Variants in CADM2 observed in about 807,000 individuals in gnomAD.
CADM2 encodes the protein cell adhesion molecule 2.
CADM2 carries 12 observed loss-of-function variants against 49.8 expected under a neutral mutation model. That is an observed-to-expected ratio of 0.24 (90% CI 0.15 to 0.39). The LOEUF (loss-of-function observed/expected upper bound fraction) is 0.39, where lower values mean the gene tolerates loss of function less well. CADM2 is among the 10% of genes least tolerant of loss of function. The pLI, the probability that CADM2 is intolerant of heterozygous loss-of-function variation, is 1.00. For synonymous variants in CADM2, 214 were observed against 175.4 expected (o/e 1.22, Z -1.74); for missense variants, 378 against 492.3 (o/e 0.77, Z 2.20).
intron 1 of CADM2, among the ~76,000 whole-genome samples, chr3:85,407,841 GCAAA>G (rs982325135): frequency 7.9e-5 from 12 of 151,454 alleles, no homozygotes; most frequent in African/African-American, 1.5e-4. Context: ...ACAAAACAAA[GCAAA>G]CAAACAAACA....
intron 3 of CADM2, among the ~76,000 whole-genome samples, chr3:85,863,126 T>C (rs540079808): frequency 5.4e-4 from 82 of 152,290 alleles, no homozygotes; most frequent in African/African-American, 1.9e-3. Flanking sequence ...AGCATATTGA[T>C]GGCCTTGAAT....
intron 1 of CADM2, among the ~76,000 whole-genome samples, chr3:85,060,819 C>G (rs1410976841): frequency 6.6e-6 from 1 of 151,980 alleles, no homozygotes; most frequent in Non-Finnish European, 1.5e-5. Context: ...AATCAATGAT[C>G]AAACTTAGAA....
At chr3:85,082,227 A>G (rs1024301632) in intron 1 of CADM2, among the ~76,000 whole-genome samples, 6 of 152,206 alleles carry the variant, frequency 3.9e-5, no homozygotes, top group African/African-American at 9.6e-5. Flanking sequence ...GCAAAGAAGC[A>G]TTGTAAGGTA....
At position 85,946,973 on chromosome 3, in the gene CADM2, G is replaced by T. The variant is rs553949475; in HGVS notation, c.791+11116G>T. Among the ~76,000 whole-genome samples the T allele has an allele frequency of 3.9e-5, 6 of 152,162 alleles. No individual in the cohort carries two copies. The South Asian group carries it at 1.0e-3, about 26-fold the overall frequency. On this transcript the variant is annotated intron_variant, in intron 7 of 9. Coordinates refer to ENST00000383699, the MANE Select transcript of CADM2 (RefSeq NM_001167675.2). ...GATATAATTAAACTAAAGAGCTTCTGCACAGCAAAAGAAACTACCATCAGA... is the reference window on the plus strand; with the variant it reads ...GATATAATTAAACTAAAGAGCTTCTTCACAGCAAAAGAAACTACCATCAGA...
intron 1 of CADM2, among the ~76,000 whole-genome samples, chr3:85,116,636 TA>T (rs1033695130): frequency 2.3e-4 from 35 of 152,298 alleles, no homozygotes; most frequent in Admixed American, 2.3e-3. Flanking sequence ...TTTATTTTAA[TA>T]TTTATTGCTT....
intron 1 of CADM2, among the ~76,000 whole-genome samples, chr3:85,110,317 G>T (rs1167970145): frequency 6.6e-6 from 1 of 151,670 alleles, no homozygotes; most frequent in Non-Finnish European, 1.5e-5. Flanking sequence ...TCTATCATTT[G>T]CACTCTTCCT....
intron 1 of CADM2, among the ~76,000 whole-genome samples, chr3:85,075,855 A>G (rs901194739): frequency 6.6e-6 from 1 of 152,174 alleles, no homozygotes; most frequent in African/African-American, 2.4e-5. Context: ...CATTCTTGAG[A>G]GTTTATAACT....
chr3:85,928,449 G>A (rs183262723), intron 6 of CADM2, among the ~76,000 whole-genome samples: 35 of 152,096 alleles, frequency 2.3e-4, no homozygotes, highest in Admixed American at 2.0e-3. Context: ...GAGCCACCAC[G>A]CCCAGTCAAA....
intron 1 of CADM2, among the ~76,000 whole-genome samples, chr3:85,535,756 G>A (rs1559893656): frequency 6.6e-6 from 1 of 152,120 alleles, no homozygotes; most frequent in East Asian, 1.9e-4. Flanking sequence ...TTTAGGGAAA[G>A]GGGAAATGTA....
intron 1 of CADM2, among the ~76,000 whole-genome samples, chr3:85,405,565 G>T (rs1270602153): frequency 2.0e-5 from 3 of 152,100 alleles, no homozygotes; most frequent in African/African-American, 4.8e-5. Context: ...GATCAAGGTT[G>T]CCCTCACTCA....
intron 1 of CADM2, among the ~76,000 whole-genome samples, chr3:85,289,711 A>AT (rs2043728150): frequency 6.6e-6 from 1 of 152,184 alleles, no homozygotes. Flanking sequence ...TTTAAAATTT[A>AT]TTAAAAAAAT....
intron 3 of CADM2, among the ~76,000 whole-genome samples, chr3:85,860,229 T>A (rs755651972): frequency 1.3e-5 from 2 of 152,142 alleles, no homozygotes; most frequent in Non-Finnish European, 1.5e-5. Flanking sequence ...CCTTGGTTAC[T>A]TATTTTGTGC....
intron 1 of CADM2, among the ~76,000 whole-genome samples, chr3:85,419,342 C>T (rs1288648275): frequency 6.6e-6 from 1 of 152,006 alleles, no homozygotes; most frequent in Admixed American, 6.6e-5. Flanking sequence ...CCTATAGTCC[C>T]AGCTACTCAG....
chr3:85,470,982 C>A (rs1327673976), intron 1 of CADM2, among the ~76,000 whole-genome samples: 1 of 152,128 alleles, frequency 6.6e-6, no homozygotes, highest in Non-Finnish European at 1.5e-5. Flanking sequence ...CTGTATGCTG[C>A]AGATTTATTG....
chr3:85,732,571 G>GCA (rs67636355), intron 2 of CADM2, among the ~76,000 whole-genome samples: 26,938 of 152,104 alleles, frequency 0.18, 2,971 homozygotes, highest in Non-Finnish European at 0.24. Flanking sequence ...TGAAGACACT[G>GCA]CTATATAATA....
intron 1 of CADM2, among the ~76,000 whole-genome samples, chr3:85,122,844 T>C (rs150510668): frequency 6.4e-4 from 98 of 152,170 alleles, no homozygotes; most frequent in African/African-American, 2.2e-3. Flanking sequence ...CTTCTTCCAT[T>C]GTATGGCTCT....
chr3:85,908,728 ATT>A (rs63218162), intron 5 of CADM2, among the ~76,000 whole-genome samples: 109 of 140,614 alleles, frequency 7.8e-4, no homozygotes, highest in Middle Eastern at 3.6e-3. Flanking sequence ...TACGGTTATG[ATT>A]TTTTTTTTTT....
intron 2 of CADM2, among the ~76,000 whole-genome samples, chr3:85,761,217 C>T (rs538953983): frequency 3.9e-4 from 59 of 152,096 alleles, no homozygotes; most frequent in African/African-American, 1.3e-3. Flanking sequence ...GGGATGGAAA[C>T]CCGTTTTCTA....
chr3:85,198,127 A>T (rs1030283878), intron 1 of CADM2, among the ~76,000 whole-genome samples: 1 of 151,850 alleles, frequency 6.6e-6, no homozygotes, highest in African/African-American at 2.4e-5. Context: ...ACATAGTTAT[A>T]CTAGTACACA....
Sources: gnomAD v4.1 joint callset for allele counts (sites outside exome capture counted in the v4.1 genomes callset) on GRCh38, gnomAD v4.1.1 for gene constraint, MANE v1.5 for transcripts, NCBI Gene and HGNC (gene_info 2026-07-23, HGNC 2026-07-21) for gene names.